The following GBE1 variants were observed in gnomAD, a reference collection of about 807,000 sequenced individuals.
The protein encoded by GBE1 is 1,4-alpha-glucan branching enzyme 1.
Under a neutral mutation model 88.8 loss-of-function variants are expected in GBE1, and 70 were observed. The ratio of observed to expected loss-of-function variants is 0.79; its 90% CI spans 0.65 to 0.96. GBE1 has a LOEUF of 0.96. Among genes scored for constraint, GBE1 ranks in the 40% least tolerant of loss-of-function variants. GBE1 has a pLI of 0.00. For missense variants in GBE1, 872 were observed against 871.0 expected (o/e 1.00, Z -0.01); for synonymous variants, 284 against 300.1 (o/e 0.95, Z 0.56).
At chr3:81,558,275 A>C (rs1338388433) in intron 12 of GBE1, among the ~76,000 whole-genome samples, 1 of 152,042 alleles carries the variant, frequency 6.6e-6, no homozygotes, top group Non-Finnish European at 1.5e-5. Flanking sequence ...GGTTAAAAAG[A>C]ACCATGTTCA....
At chr3:81,713,692 T>C (rs1438918052) in intron 1 of GBE1, among the ~76,000 whole-genome samples, 1 of 152,218 alleles carries the variant, frequency 6.6e-6, no homozygotes, top group Non-Finnish European at 1.5e-5. Flanking sequence ...AAACTATTTC[T>C]TATTTTTAAA....
intron 7 of GBE1, among the ~76,000 whole-genome samples, chr3:81,622,460 C>T (rs967441720): frequency 6.6e-6 from 1 of 152,162 alleles, no homozygotes; most frequent in Non-Finnish European, 1.5e-5. Context: ...AGTAGCTCAA[C>T]CACATCTTTC....
chr3:81,592,628 G>A (rs962865315), intron 8 of GBE1, among the ~76,000 whole-genome samples: 1 of 151,886 alleles, frequency 6.6e-6, no homozygotes, highest in Non-Finnish European at 1.5e-5. Flanking sequence ...AAACAACTCA[G>A]AATGTTTTTC....
intron 14 of GBE1, among the ~76,000 whole-genome samples, chr3:81,525,006 T>G (rs1009452861): frequency 7.2e-5 from 11 of 151,912 alleles, no homozygotes; most frequent in Non-Finnish European, 4.4e-5. Flanking sequence ...TGGATTGGTA[T>G]GGTCATTGGT....
At chr3:81,657,159 A>C (rs947603241) in intron 3 of GBE1, among the ~76,000 whole-genome samples, 9 of 151,492 alleles carry the variant, frequency 5.9e-5, no homozygotes, top group South Asian at 2.1e-4. Context: ...CAAAACAAAA[A>C]AAAACAATAA....
At chr3:81,593,813 G>C in intron 8 of GBE1, 95 bp downstream of exon 8, 1 of 627,138 alleles carries the variant, frequency 1.6e-6, no homozygotes. Flanking sequence ...TACAGAGAAA[G>C]CATATGTAAT....
chr3:81,661,846 C>T (rs1156253282), intron 3 of GBE1, among the ~76,000 whole-genome samples: 4 of 151,966 alleles, frequency 2.6e-5, no homozygotes. Flanking sequence ...AAGAAAACAT[C>T]AGGTTACAGG....
At chr3:81,731,883 T>G (rs1272233635) in intron 1 of GBE1, among the ~76,000 whole-genome samples, 1 of 152,162 alleles carries the variant, frequency 6.6e-6, no homozygotes, top group African/African-American at 2.4e-5. Context: ...TTTCAGGTAT[T>G]TCTTTATAGT....
intron 2 of GBE1, among the ~76,000 whole-genome samples, chr3:81,684,871 C>T (rs751373310): frequency 1.0e-3 from 152 of 152,238 alleles, no homozygotes; most frequent in Admixed American, 1.7e-3. Context: ...ACAGAGGATC[C>T]CCTCAACCAC....
intron 14 of GBE1, among the ~76,000 whole-genome samples, chr3:81,518,754 G>T (rs1702832262): frequency 6.6e-6 from 1 of 151,462 alleles, no homozygotes. Flanking sequence ...TTTAAAAAAG[G>T]AGGACCTATA....
At chr3:81,511,029 T>C (rs1481689155) in intron 14 of GBE1, among the ~76,000 whole-genome samples, 5 of 152,002 alleles carry the variant, frequency 3.3e-5, no homozygotes, top group Non-Finnish European at 1.5e-5. Context: ...TAAATATAGA[T>C]AATTTTTATT....
chr3:81,663,015 A>G (rs1391480940), intron 3 of GBE1, among the ~76,000 whole-genome samples: 2 of 152,224 alleles, frequency 1.3e-5, no homozygotes, highest in African/African-American at 2.4e-5. Context: ...TCCATTATCT[A>G]CATAGTCACA....
chr3:81,654,203 TCTAA>T lies in GBE1; in HGVS notation c.430-4286_430-4283del, dbSNP rs151019901. On this transcript the variant is annotated intron_variant, in intron 3 of 15. Transcript: ENST00000429644. ...CATAAATAATTTAATAAAAGAAACT[TCTAA>T]CTGTGTAAAAGTCAAATTAACTTAG... Among the ~76,000 whole-genome samples the T allele has an allele frequency of 4.6e-3, 707 of 152,228 alleles. 1 individual carries two copies. Among genetic ancestry groups the T allele is most frequent in the African/African-American group, 0.016 (677 of 41,528 alleles).
chr3:81,598,745 T>C (rs1029507800), intron 7 of GBE1, among the ~76,000 whole-genome samples: 1 of 151,766 alleles, frequency 6.6e-6, no homozygotes, highest in Non-Finnish European at 1.5e-5. Flanking sequence ...TATATATTAA[T>C]TTCAAATACT....
At chr3:81,545,108 A>G (rs1703189578) in intron 12 of GBE1, among the ~76,000 whole-genome samples, 1 of 152,216 alleles carries the variant, frequency 6.6e-6, no homozygotes, top group Non-Finnish European at 1.5e-5. Context: ...AAAAGAAAAT[A>G]TCTACATTAA....
intron 3 of GBE1, among the ~76,000 whole-genome samples, chr3:81,656,255 C>T (rs1704937529): frequency 6.6e-6 from 1 of 152,090 alleles, no homozygotes; most frequent in African/African-American, 2.4e-5. Flanking sequence ...GATTCTTACT[C>T]CATTTCCAGA....
At chr3:81,755,548 T>C (rs1706590587) in intron 1 of GBE1, among the ~76,000 whole-genome samples, 1 of 152,160 alleles carries the variant, frequency 6.6e-6, no homozygotes, top group South Asian at 2.1e-4. Flanking sequence ...CTATTCACAA[T>C]AGCTAAAATA....
intron 9 of GBE1, among the ~76,000 whole-genome samples, chr3:81,587,881 C>T (rs935604273): frequency 8.5e-5 from 13 of 152,106 alleles, no homozygotes; most frequent in African/African-American, 3.1e-4. Context: ...AACTAAAGTG[C>T]ACAGAAAGTG....
intron 7 of GBE1, among the ~76,000 whole-genome samples, chr3:81,620,877 G>A (rs918436736): frequency 6.6e-6 from 1 of 152,116 alleles, no homozygotes; most frequent in African/African-American, 2.4e-5. Flanking sequence ...TAAAATATAA[G>A]ATAGTCCATA....
Sources: gnomAD v4.1 joint callset for allele counts (sites outside exome capture counted in the v4.1 genomes callset) on GRCh38, gnomAD v4.1.1 for gene constraint, MANE v1.5 for transcripts, NCBI Gene and HGNC (gene_info 2026-07-23, HGNC 2026-07-21) for gene names.